TENM2: variants seen among roughly 807,000 people sequenced by gnomAD.
The protein encoded by TENM2 is teneurin transmembrane protein 2, also known as teneurin-2.
A neutral mutation model predicts 245.2 loss-of-function variants in TENM2; 52 were observed. The ratio of observed to expected loss-of-function variants is 0.21; its 90% CI spans 0.17 to 0.27. TENM2 has a LOEUF of 0.27. Among genes scored for constraint, TENM2 ranks in the 10% least tolerant of loss-of-function variants. TENM2 has a pLI of 1.00. For synonymous variants in TENM2, 1,363 were observed against 1,438.9 expected (o/e 0.95, Z 1.19); for missense variants, 3,046 against 3,666.8 (o/e 0.83, Z 4.37).
intron 1 of TENM2, among the ~76,000 whole-genome samples, chr5:167,345,354 A>G (rs1346487217): frequency 3.3e-5 from 5 of 152,364 alleles, no homozygotes; most frequent in South Asian, 2.1e-4. Context: ...ATAGCTTTCA[A>G]TGGGGACACA....
chr5:167,395,889 T>A (rs999239502), intron 2 of TENM2, among the ~76,000 whole-genome samples: 5 of 151,984 alleles, frequency 3.3e-5, no homozygotes, highest in African/African-American at 1.2e-4. Context: ...GAAATAGAAA[T>A]CAAAACTACA....
intron 3 of TENM2, among the ~76,000 whole-genome samples, chr5:167,880,979 A>G (rs947952581): frequency 1.3e-5 from 2 of 152,184 alleles, no homozygotes; most frequent in Admixed American, 6.5e-5. Context: ...ACAGCCTCAT[A>G]GAGGTTAGAA....
At chr5:167,659,066 A>G (rs2150315620) in intron 2 of TENM2, among the ~76,000 whole-genome samples, 1 of 152,322 alleles carries the variant, frequency 6.6e-6, no homozygotes, top group East Asian at 1.9e-4. Context: ...ATTTGGTTGC[A>G]AAATAACACC....
At chr5:167,410,583 T>A (rs574286003) in intron 2 of TENM2, among the ~76,000 whole-genome samples, 1 of 152,118 alleles carries the variant, frequency 6.6e-6, no homozygotes, top group African/African-American at 2.4e-5. Context: ...GTGAACAGTC[T>A]CTGATTTGCC....
At chr5:167,071,876 T>TCG in the TENM2 span, among the ~76,000 whole-genome samples, 4 of 112,668 alleles carry the variant, frequency 3.6e-5, no homozygotes, top group Non-Finnish European at 6.3e-5. Context: ...TTTTGACAAA[T>TCG]CGCCCCCCCC....
chr5:168,211,754 G>C (rs1163257568), exon 20 of TENM2: 1 of 1,348,728 alleles, frequency 7.4e-7, no homozygotes, highest in African/African-American at 1.5e-5. Context: ...TTTAAACATA[G>C]GTAAGATGAA....
chr5:167,881,855 T>A (rs1773904971), intron 3 of TENM2, among the ~76,000 whole-genome samples: 1 of 152,158 alleles, frequency 6.6e-6, no homozygotes. Context: ...TGGCCCTTTT[T>A]CTCCCTCAAC....
At chr5:167,094,536 C>CAG in the TENM2 span, among the ~76,000 whole-genome samples, 2 of 152,120 alleles carry the variant, frequency 1.3e-5, no homozygotes, top group Admixed American at 6.6e-5. Context: ...AAAAAACAGG[C>CAG]AGCTAGGTCA....
At chr5:167,353,408 A>G (rs901690974) in intron 1 of TENM2, among the ~76,000 whole-genome samples, 5 of 151,868 alleles carry the variant, frequency 3.3e-5, no homozygotes, top group African/African-American at 1.2e-4. Context: ...AAATTTTTAC[A>G]TACATTTCTC....
chr5:168,169,741 G>T (rs1013863484), intron 13 of TENM2, among the ~76,000 whole-genome samples: 3 of 152,200 alleles, frequency 2.0e-5, no homozygotes, highest in African/African-American at 7.2e-5. Context: ...GAGACACAAA[G>T]CTTGGTGAAC....
At chr5:167,596,637 A>G (rs1776232354) in intron 2 of TENM2, among the ~76,000 whole-genome samples, 1 of 152,102 alleles carries the variant, frequency 6.6e-6, no homozygotes, top group East Asian at 1.9e-4. Flanking sequence ...TGTACTAAAA[A>G]CACAAAAAAT....
At chr5:167,191,269 C>T in the TENM2 span, among the ~76,000 whole-genome samples, 11 of 152,138 alleles carry the variant, frequency 7.2e-5, no homozygotes, top group African/African-American at 2.4e-4. Context: ...AATAATATTT[C>T]ATTTACAAAA....
intron 10 of TENM2, among the ~76,000 whole-genome samples, chr5:168,118,766 C>T (rs766129081): frequency 2.9e-4 from 44 of 151,878 alleles, no homozygotes; most frequent in Non-Finnish European, 5.9e-4. Flanking sequence ...AAATTGCTCT[C>T]TCTGCCTTTG....
chr5:168,238,157 A>AAGAGAGAGAG (rs1164402441), intron 25 of TENM2, among the ~76,000 whole-genome samples: 2 of 69,906 alleles, frequency 2.9e-5, no homozygotes, highest in African/African-American at 1.6e-4. Context: ...GAAAGAAAGA[A>AAGAGAGAGAG]AGAGAGAGAG....
the TENM2 span, among the ~76,000 whole-genome samples, chr5:167,224,250 G>T: frequency 6.6e-6 from 1 of 151,852 alleles, no homozygotes; most frequent in African/African-American, 2.4e-5. Flanking sequence ...GAGGTCATAG[G>T]CATAAAGCAC....
At chr5:167,382,689 A>G (rs1482756179) in intron 2 of TENM2, among the ~76,000 whole-genome samples, 1 of 152,186 alleles carries the variant, frequency 6.6e-6, no homozygotes, top group Non-Finnish European at 1.5e-5. Flanking sequence ...TAAAAAAGAT[A>G]AACACCATGG....
At chr5:167,954,167 G>GCA (rs1331194673) in intron 4 of TENM2, among the ~76,000 whole-genome samples, 1 of 151,872 alleles carries the variant, frequency 6.6e-6, no homozygotes, top group East Asian at 1.9e-4. Flanking sequence ...TAACGTGTGT[G>GCA]CACACACACA....
At chr5:167,111,407 T>G in the TENM2 span, among the ~76,000 whole-genome samples, 1 of 152,168 alleles carries the variant, frequency 6.6e-6, no homozygotes, top group Non-Finnish European at 1.5e-5. Context: ...TTCATTATAA[T>G]ACAAAGAGTA....
At chr5:167,221,027 C>T in the TENM2 span, among the ~76,000 whole-genome samples, 16 of 152,100 alleles carry the variant, frequency 1.1e-4, no homozygotes, top group Non-Finnish European at 1.8e-4. Context: ...GGGCTTTCAC[C>T]ATATTGACTA....
Sources: gnomAD v4.1 joint callset for allele counts (sites outside exome capture counted in the v4.1 genomes callset) on GRCh38, gnomAD v4.1.1 for gene constraint, MANE v1.5 for transcripts, NCBI Gene and HGNC (gene_info 2026-07-23, HGNC 2026-07-21) for gene names.